ASAP1: variants seen among roughly 807,000 people sequenced by gnomAD.
ASAP1 encodes arf-GAP with SH3 domain, ANK repeat and PH domain-containing protein 1.
A neutral mutation model predicts 145.2 loss-of-function variants in ASAP1; 43 were observed. The observed-to-expected ratio is 0.30, with a 90% CI of 0.23 to 0.38. The LOEUF is 0.38. Ranked by LOEUF, ASAP1 falls within the 10% of genes least tolerant of loss-of-function variation. The probability of loss-of-function intolerance (pLI) is 1.00; values close to 1 mark genes in which losing one functional copy is unlikely to be tolerated. For missense variants in ASAP1, 1,018 were observed against 1,355.3 expected, an observed-to-expected ratio of 0.75 and a Z score of 3.91; for synonymous variants, 546 against 515.5, an observed-to-expected ratio of 1.06 and a Z score of -0.80.
chr8:130,396,158 A>C (rs1057480379), intron 2 of ASAP1, among the ~76,000 whole-genome samples: 2 of 152,206 alleles, frequency 1.3e-5, no homozygotes, highest in African/African-American at 4.8e-5. Flanking sequence ...AATAAAGTAT[A>C]CATGTAGTAA....
chr8:130,215,758 AACAACAAC>A, intron 4 of ASAP1, among the ~76,000 whole-genome samples: 1 of 151,830 alleles, frequency 6.6e-6, no homozygotes, highest in East Asian at 1.9e-4. Flanking sequence ...CAACAACAAC[AACAACAAC>A]AAAAAACAAT....
At chr8:130,196,022 T>C (rs1435721461) in intron 5 of ASAP1, among the ~76,000 whole-genome samples, 1 of 152,234 alleles carries the variant, frequency 6.6e-6, no homozygotes, top group Non-Finnish European at 1.5e-5. Flanking sequence ...GTTTACTAAC[T>C]GATCAGATCC....
chr8:130,195,038 A>C (rs547520072), intron 5 of ASAP1: 193 of 152,286 alleles, frequency 1.3e-3, no homozygotes, highest in African/African-American at 4.4e-3. Context: ...TTTCAAATCC[A>C]TTATATAATT....
chr8:130,141,008 G>A (rs1287262594), intron 13 of ASAP1, among the ~76,000 whole-genome samples: 1 of 152,188 alleles, frequency 6.6e-6, no homozygotes, highest in Non-Finnish European at 1.5e-5. Flanking sequence ...TTGACATTTA[G>A]TACTAATTTA....
chr8:130,235,000 G>A (rs1033336182), intron 4 of ASAP1, among the ~76,000 whole-genome samples: 17 of 152,210 alleles, frequency 1.1e-4, no homozygotes, highest in African/African-American at 3.9e-4. Context: ...TGTATTAGGG[G>A]CCTTAGATGG....
intron 3 of ASAP1, among the ~76,000 whole-genome samples, chr8:130,351,719 T>C (rs1411062794): frequency 2.6e-5 from 4 of 152,104 alleles, no homozygotes; most frequent in Non-Finnish European, 4.4e-5. Flanking sequence ...AACTCACTTA[T>C]CACCAAGGGG....
At chr8:130,304,129 A>G (rs1176277742) in intron 3 of ASAP1, among the ~76,000 whole-genome samples, 1 of 152,012 alleles carries the variant, frequency 6.6e-6, no homozygotes, top group African/African-American at 2.4e-5. Context: ...TTAAAAAAAA[A>G]CTCTACAAAT....
rs2097462630 is a variant in ASAP1, at chr8:130,076,498, CA to C, written c.2643-93del. ...AAGTAAATCAAATCAAAGGTATTTA[CA>C]TAATCATCTAAAGAATGCTTTCAAA... is the stretch of plus-strand genomic sequence containing the variant. On this transcript the variant is annotated intron_variant, in intron 26 of 29. Coordinates refer to ENST00000518721, the MANE Select transcript of ASAP1 (RefSeq NM_018482.4). 6.3e-6 allele frequency: 6 copies of C among 952,718 alleles called. No homozygotes were observed. The African/African-American group carries it at 6.7e-5, about 11-fold the overall frequency. The allele number at this position is 952,718 out of a possible 1,614,324, so 59.0% of individuals were successfully genotyped here.
chr8:130,357,047 T>C (rs979863365), intron 3 of ASAP1, among the ~76,000 whole-genome samples: 6 of 152,234 alleles, frequency 3.9e-5, no homozygotes, highest in Non-Finnish European at 5.9e-5. Context: ...ATGGCACTTA[T>C]TGATGATGCT....
chr8:130,294,630 A>G (rs1340313482), intron 3 of ASAP1, among the ~76,000 whole-genome samples: 1 of 152,238 alleles, frequency 6.6e-6, no homozygotes, highest in Non-Finnish European at 1.5e-5. Flanking sequence ...ACACAAATCT[A>G]AGTTCTCTTC....
chr8:130,052,711 C>A lies in ASAP1; in HGVS notation c.*2020G>T, dbSNP rs1592696638. On this transcript the variant is annotated 3_prime_UTR_variant, in exon 30 of 30. Transcript: ENST00000518721. ...ACTCCATGTAATTTTAGACATGCAG[C>A]TTTTGTGTTTTTTTTTTGTTTTTGT... The A allele has an allele frequency of 6.9e-6, 1 of 144,330 alleles. No homozygotes were observed. Among genetic ancestry groups the A allele is most frequent in the Non-Finnish European group, 1.5e-5 (1 of 65,918 alleles). The allele number at this position is 144,330 out of a possible 1,614,324, so 8.9% of individuals were successfully genotyped here. A position where few individuals can be genotyped will look rare whatever the true frequency, so the allele number is the denominator to read the frequency against.
intron 24 of ASAP1, among the ~76,000 whole-genome samples, chr8:130,106,429 C>T (rs2097536980): frequency 6.6e-6 from 1 of 152,194 alleles, no homozygotes; most frequent in Non-Finnish European, 1.5e-5. Flanking sequence ...AGCAAGTCTT[C>T]ACCCTTTCTA....
At chr8:130,078,280 C>T (rs1468868359) in intron 26 of ASAP1, among the ~76,000 whole-genome samples, 2 of 151,366 alleles carry the variant, frequency 1.3e-5, no homozygotes, top group Non-Finnish European at 2.9e-5. Context: ...CCCAAAGTGG[C>T]GAGAGCCACT....
intron 1 of ASAP1, among the ~76,000 whole-genome samples, chr8:130,417,411 C>T (rs756591119): frequency 6.6e-6 from 1 of 152,300 alleles, no homozygotes; most frequent in Middle Eastern, 3.4e-3. Context: ...TGTGCTGGGT[C>T]GGGACATTCC....
chr8:130,226,940 A>T (rs1368236013), intron 4 of ASAP1, among the ~76,000 whole-genome samples: 1 of 152,122 alleles, frequency 6.6e-6, no homozygotes, highest in African/African-American at 2.4e-5. Context: ...TTCCTCCCCT[A>T]CTTCAGCCTC....
intron 3 of ASAP1, among the ~76,000 whole-genome samples, chr8:130,348,289 C>T (rs1334433200): frequency 6.6e-6 from 1 of 152,218 alleles, no homozygotes; most frequent in Non-Finnish European, 1.5e-5. Context: ...ACTTAGCCAA[C>T]TCTGCTTTCT....
At position 130,151,370 on chromosome 8, in the gene ASAP1, C is replaced by CAAAAAAAAAAAA. The variant is rs58367856; in HGVS notation, c.1080+1354_1080+1365dup. 3.0e-4 allele frequency among the ~76,000 whole-genome samples: 19 copies of CAAAAAAAAAAAA among 62,850 alleles called. 2 individuals are homozygous for CAAAAAAAAAAAA. The highest frequency in any genetic ancestry group is 4.2e-4 in the Non-Finnish European group (14 of 33,056). The allele number at this position is 62,850 out of a possible 152,430, so 41.2% of individuals were successfully genotyped here. A position where few individuals can be genotyped will look rare whatever the true frequency, so the allele number is the denominator to read the frequency against. ...TGGGTGAAAGAGCGAGACTCAGTCTCAAAAAAAAAAAAAAAAAAAAAAAAA... is the reference window on the plus strand; with the variant it reads ...TGGGTGAAAGAGCGAGACTCAGTCTCAAAAAAAAAAAAAAAAAAAAAAAAAAAAAAAAAAAAA... On this transcript the variant is annotated intron_variant, in intron 13 of 29. Transcript: ENST00000518721.
At chr8:130,068,235 T>C (rs952709883) in intron 27 of ASAP1, among the ~76,000 whole-genome samples, 4 of 152,124 alleles carry the variant, frequency 2.6e-5, no homozygotes, top group African/African-American at 9.7e-5. Context: ...ATGGCTAAAA[T>C]AAAAGAGGGT....
intron 25 of ASAP1, among the ~76,000 whole-genome samples, chr8:130,088,008 G>A (rs1022151911): frequency 1.3e-5 from 2 of 152,170 alleles, no homozygotes; most frequent in Non-Finnish European, 2.9e-5. Context: ...CAGAGGACAA[G>A]CTGTGGTAGG....
Sources: gnomAD v4.1 joint callset for allele counts (sites outside exome capture counted in the v4.1 genomes callset) on GRCh38, gnomAD v4.1.1 for gene constraint, MANE v1.5 for transcripts, NCBI Gene and HGNC (gene_info 2026-07-23, HGNC 2026-07-21) for gene names.